Variants in MBP observed in about 807,000 individuals in gnomAD.
The protein encoded by MBP is myelin basic protein.
A neutral mutation model predicts 35.8 loss-of-function variants in MBP; 16 were observed. The ratio of observed to expected loss-of-function variants is 0.45; its 90% CI spans 0.30 to 0.68. The LOEUF (loss-of-function observed/expected upper bound fraction) is 0.68, where lower values mean the gene tolerates loss of function less well. Among genes scored for constraint, MBP ranks in the 30% least tolerant of loss-of-function variants. MBP has a pLI of 0.08. For missense variants in MBP, 380 were observed against 404.7 expected (o/e 0.94, Z 0.52); for synonymous variants, 143 against 159.6 (o/e 0.90, Z 0.78).
intron 3 of MBP, among the ~76,000 whole-genome samples, chr18:77,040,442 T>G (rs1227866563): frequency 6.6e-6 from 1 of 152,158 alleles, no homozygotes; most frequent in Non-Finnish European, 1.5e-5. Flanking sequence ...TTAAAGTTCA[T>G]ATGGAACCAA....
At chr18:77,014,497 C>G (rs954614225) in intron 4 of MBP, 1 of 985,472 alleles carries the variant, frequency 1.0e-6, no homozygotes. Context: ...GTTTGCACAC[C>G]TCTTCGGCCT....
chr18:77,067,736 T>G, intron 2 of MBP: 1 of 460,508 alleles, frequency 2.2e-6, no homozygotes, highest in Non-Finnish European at 4.4e-6. Context: ...GCACTTAAGT[T>G]TGTACCAATT....
At chr18:76,984,623 C>T in intron 8 of MBP, 152 bp downstream of exon 8, 1 of 1,001,918 alleles carries the variant, frequency 1.0e-6, no homozygotes, top group South Asian at 1.5e-5. Context: ...TGGGCAATGC[C>T]ACCTGAGCCC....
intron 3 of MBP, among the ~76,000 whole-genome samples, chr18:77,018,602 A>G (rs974356651): frequency 5.2e-5 from 7 of 133,500 alleles, no homozygotes; most frequent in African/African-American, 1.2e-4. Context: ...CCACCCCTCC[A>G]TCTATCCACT....
At chr18:76,993,926 C>G (rs980034292) in intron 4 of MBP, among the ~76,000 whole-genome samples, 2 of 152,222 alleles carry the variant, frequency 1.3e-5, no homozygotes, top group African/African-American at 4.8e-5. Context: ...ATCCCTGATT[C>G]TTCATATTCC....
rs1969077483 is a variant in MBP, at chr18:76,979,857, C to T, written c.*570G>A. On this transcript the variant is annotated 3_prime_UTR_variant, in exon 9 of 9. Transcript: ENST00000355994. ...GTTGGACTCTAACAGCTGCCCAGCCCGCATGTCACATACCAAAAGCTCCCA... is the reference window on the plus strand; with the variant it reads ...GTTGGACTCTAACAGCTGCCCAGCCTGCATGTCACATACCAAAAGCTCCCA... 9.0e-6 allele frequency: 6 copies of T among 668,896 alleles called. No homozygotes were observed. Among genetic ancestry groups the T allele is most frequent in the East Asian group, 5.4e-5 (2 of 37,122 alleles). 41.4% of individuals were successfully genotyped at this position (668,896 alleles called of 1,614,324 possible).
At chr18:76,987,190 C>T (rs1969607903) in intron 7 of MBP, 1 of 985,294 alleles carries the variant, frequency 1.0e-6, no homozygotes, top group African/African-American at 1.7e-5. Context: ...GCCCCAAAGT[C>T]CACTCCTAGA....
chr18:77,096,478 G>A (rs1269638009), intron 2 of MBP, among the ~76,000 whole-genome samples: 1 of 151,932 alleles, frequency 6.6e-6, no homozygotes, highest in Non-Finnish European at 1.5e-5. Flanking sequence ...AAAAAAATCA[G>A]TTTAATTTGG....
chr18:77,100,958 A>G (rs1187111848), intron 2 of MBP, among the ~76,000 whole-genome samples: 3 of 152,200 alleles, frequency 2.0e-5, no homozygotes, highest in African/African-American at 4.8e-5. Flanking sequence ...CAGCATTCAG[A>G]GAAAGCTGAG....
chr18:77,004,935 C>T (rs1302679894), intron 4 of MBP: 1 of 152,226 alleles, frequency 6.6e-6, no homozygotes, highest in African/African-American at 2.4e-5. Context: ...GCTCCCGTGG[C>T]CTCCTTTGGG....
intron 4 of MBP, chr18:77,009,878 T>C (rs917911061): frequency 2.5e-6 from 4 of 1,594,946 alleles, no homozygotes; most frequent in Non-Finnish European, 2.6e-6. Flanking sequence ...CCAGGCTGGC[T>C]GCGGGCATGA....
intron 2 of MBP, among the ~76,000 whole-genome samples, chr18:77,094,892 G>A (rs1432674062): frequency 6.6e-6 from 1 of 152,140 alleles, no homozygotes; most frequent in African/African-American, 2.4e-5. Context: ...CGTGTGCTGT[G>A]GGCCACATGT....
chr18:77,093,619 G>T (rs1025150372), intron 2 of MBP, among the ~76,000 whole-genome samples: 1 of 152,140 alleles, frequency 6.6e-6, no homozygotes, highest in Non-Finnish European at 1.5e-5. Flanking sequence ...GACTTCCTTC[G>T]TGAATCTCCT....
At chr18:76,985,704 C>A in intron 7 of MBP, 1 of 1,016,220 alleles carries the variant, frequency 9.8e-7, no homozygotes, top group South Asian at 3.9e-5. Flanking sequence ...CTTTCTAGCT[C>A]ATCCGGCTGT....
At chr18:77,128,706 T>TG (rs1977140720) in intron 1 of MBP, among the ~76,000 whole-genome samples, 1 of 152,234 alleles carries the variant, frequency 6.6e-6, no homozygotes. Flanking sequence ...GAATTGCATG[T>TG]GAATCTACAT....
intron 1 of MBP, among the ~76,000 whole-genome samples, chr18:77,129,101 CTT>C (rs1283385859): frequency 1.3e-5 from 2 of 152,166 alleles, no homozygotes; most frequent in South Asian, 2.1e-4. Flanking sequence ...ATATTTTACT[CTT>C]GAGTGGCTTG....
chr18:77,105,249 C>G lies in MBP; in HGVS notation c.13G>C (p.Ala5Pro). MGNH[A>P]GKRELNAEKA... ...TCGGCATTTAATTCTCGTTTGCCTG[C>G]GTGGTTTCCCATCCTGAATGGATTG... Residue 5 changes from alanine to proline, a missense_variant, in exon 2 of 9, where the codon GCA becomes CCA. Coordinates refer to ENST00000355994, the MANE Select transcript of MBP (RefSeq NM_001025101.2). 1 of 1,612,336 alleles carries G rather than the reference C, an allele frequency of 6.2e-7. No individual in the cohort carries two copies. The highest frequency in any genetic ancestry group is 8.5e-7 in the Non-Finnish European group (1 of 1,178,788).
chr18:77,106,705 C>T (rs541832597), intron 1 of MBP, among the ~76,000 whole-genome samples: 1 of 152,316 alleles, frequency 6.6e-6, no homozygotes, highest in Admixed American at 6.5e-5. Flanking sequence ...CACAACCCAC[C>T]TGCAAGAATC....
In MBP at chr18:77,044,509, C is replaced by T. The variant is rs990488780; in HGVS notation, c.139+21789G>A. ...ACTCTCCCTGTACAGGCCTTCCTGACCCCTCGTCCCTGGAAAGCCCTCTCC... is the reference window on the plus strand; with the variant it reads ...ACTCTCCCTGTACAGGCCTTCCTGATCCCTCGTCCCTGGAAAGCCCTCTCC... On this transcript the variant is annotated intron_variant, in intron 3 of 8. Coordinates refer to ENST00000355994, the MANE Select transcript of MBP (RefSeq NM_001025101.2). The surrounding 1 kb of genome is among the most constrained non-coding windows in gnomAD (Gnocchi z 4.4). Among the ~76,000 whole-genome samples the T allele has an allele frequency of 2.6e-5, 4 of 152,114 alleles. No individual in the cohort carries two copies. The East Asian group carries it at 7.8e-4, about 30-fold the overall frequency.
Sources: gnomAD v4.1 joint callset for allele counts (sites outside exome capture counted in the v4.1 genomes callset) on GRCh38, gnomAD v4.1.1 for gene constraint, Gnocchi (gnomAD v3.1) non-coding constraint, MANE v1.5 for transcripts, NCBI Gene and HGNC (gene_info 2026-07-23, HGNC 2026-07-21) for gene names.